Variants in C16orf87 observed in about 807,000 individuals in gnomAD.
The protein encoded by C16orf87 is HDAC and MIER1 interacting protein 1, also known as UPF0547 protein C16orf87.
Under a neutral mutation model 21.0 loss-of-function variants are expected in C16orf87, and 13 were observed. The ratio of observed to expected loss-of-function variants is 0.62; its 90% CI spans 0.40 to 0.98. The LOEUF is 0.98. C16orf87 is among the 50% of genes least tolerant of loss of function. The pLI, the probability that C16orf87 is intolerant of heterozygous loss-of-function variation, is 0.00. For missense variants in C16orf87, 113 were observed against 180.4 expected (o/e 0.63, Z 2.14); for synonymous variants, 49 against 60.2 (o/e 0.81, Z 0.86).
intron 2 of C16orf87, among the ~76,000 whole-genome samples, chr16:46,812,480 T>C (rs969929711): frequency 6.6e-5 from 10 of 152,164 alleles, no homozygotes; most frequent in African/African-American, 2.4e-4. Context: ...TAACTGAAAT[T>C]ATATGGGATT....
chr16:46,805,683 C>T (rs1967910520), intron 3 of C16orf87, among the ~76,000 whole-genome samples: 1 of 152,150 alleles, frequency 6.6e-6, no homozygotes, highest in African/African-American at 2.4e-5. Flanking sequence ...AGGAGAGTGA[C>T]CAAAGAAGCT....
At chr16:46,830,272 G>C (rs146223833) in intron 1 of C16orf87, among the ~76,000 whole-genome samples, 26 of 108,332 alleles carry the variant, frequency 2.4e-4, no homozygotes, top group African/African-American at 8.6e-4. Flanking sequence ...GACAGACAGA[G>C]AGAGAGAGAG....
chr16:46,812,243 C>CAATAAATA (rs575742837), intron 2 of C16orf87, among the ~76,000 whole-genome samples: 39 of 151,582 alleles, frequency 2.6e-4, no homozygotes, highest in African/African-American at 7.5e-4. Flanking sequence ...GACTCTGTCT[C>CAATAAATA]AATAAATAAA....
In C16orf87 at chr16:46,825,832, T is replaced by C. The variant is rs184012630; in HGVS notation, c.67-1350A>G. 3.2e-4 allele frequency among the ~76,000 whole-genome samples: 48 copies of C among 151,172 alleles called. 1 individual carries two copies. The East Asian group carries it at 9.1e-3, about 29-fold the overall frequency. ...GGGTGGCTGAGGCAGGAGAATCGCT[T>C]GAACCTGGAAGGCAGAGGTTGCAGT... On this transcript the variant is annotated intron_variant, in intron 1 of 3. Coordinates refer to ENST00000285697, the MANE Select transcript of C16orf87 (RefSeq NM_001001436.4).
In C16orf87 at chr16:46,798,201, G is replaced by A. The variant is rs1322789857; in HGVS notation, c.*4751C>T. 1 of 152,180 alleles carries A rather than the reference G, an allele frequency of 6.6e-6. No homozygotes were observed. The highest frequency in any genetic ancestry group is 2.4e-5 in the African/African-American group (1 of 41,454). The allele number at this position is 152,180 out of a possible 1,614,324, so 9.4% of individuals were successfully genotyped here. On this transcript the variant is annotated 3_prime_UTR_variant, in exon 4 of 4. Coordinates refer to ENST00000285697, the MANE Select transcript of C16orf87 (RefSeq NM_001001436.4). Reference sequence around the variant, plus strand: ...TAATGAAACTTAAAACAGAAAAACAGCAAAATATCAATAAACCAGAGCAGG... The same window carrying A: ...TAATGAAACTTAAAACAGAAAAACAACAAAATATCAATAAACCAGAGCAGG...
intron 1 of C16orf87, among the ~76,000 whole-genome samples, chr16:46,830,310 C>CACAG (rs1276210951): frequency 1.0e-3 from 26 of 24,838 alleles, no homozygotes; most frequent in African/African-American, 2.7e-3. Context: ...GAGAGAGAGA[C>CACAG]ACACAGAGAC....
chr16:46,817,916 C>CAAAAAAAAAAAAAAAAAAAAAAAAAACA (rs1056745014), intron 2 of C16orf87, among the ~76,000 whole-genome samples: 1 of 68,294 alleles, frequency 1.5e-5, no homozygotes. Context: ...CATCAAAAAG[C>CAAAAAAAAAAAAAAAAAAAAAAAAAACA]AAAAAAAAAA....
intron 1 of C16orf87, 21 bp from the exon 2 acceptor site, chr16:46,824,503 T>C: frequency 1.9e-6 from 2 of 1,035,628 alleles, no homozygotes; most frequent in Non-Finnish European, 2.9e-6. Context: ...AAAAGAAAAA[T>C]ATATATTATT....
At chr16:46,824,593 T>G (rs1262618969) in intron 1 of C16orf87, 111 bp from the exon 2 acceptor site, 1 of 499,228 alleles carries the variant, frequency 2.0e-6, no homozygotes, top group Non-Finnish European at 3.5e-6. Flanking sequence ...GGAGGAATCA[T>G]GTATTTATTT....
At chr16:46,826,081 C>T (rs1473477497) in intron 1 of C16orf87, among the ~76,000 whole-genome samples, 1 of 152,100 alleles carries the variant, frequency 6.6e-6, no homozygotes, top group Non-Finnish European at 1.5e-5. Flanking sequence ...AATCTTATAT[C>T]TTAGTTCCAG....
intron 2 of C16orf87, among the ~76,000 whole-genome samples, chr16:46,820,704 C>T (rs1300022916): frequency 6.6e-6 from 1 of 152,164 alleles, no homozygotes; most frequent in Non-Finnish European, 1.5e-5. Flanking sequence ...GCTCTCTAGG[C>T]TACCTACCTA....
chr16:46,806,277 G>A (rs980399166), intron 3 of C16orf87, among the ~76,000 whole-genome samples: 1 of 38,202 alleles, frequency 2.6e-5, no homozygotes, highest in Non-Finnish European at 5.0e-5. Flanking sequence ...TTTTTTTTTT[G>A]AGACGGAGTC....
At chr16:46,809,838 C>T in intron 2 of C16orf87, 53 bp from the exon 3 acceptor site, 1 of 1,136,698 alleles carries the variant, frequency 8.8e-7, no homozygotes, top group Middle Eastern at 2.0e-4. Context: ...GAACTGTTTG[C>T]CCAAGTTCTC....
chr16:46,809,286 CAA>C (rs568256911), intron 3 of C16orf87, among the ~76,000 whole-genome samples: 14 of 122,824 alleles, frequency 1.1e-4, no homozygotes, highest in Admixed American at 8.2e-5. Context: ...CACGCTGTCT[CAA>C]AAAAAAAAAA....
chr16:46,819,032 G>T lies in C16orf87; in HGVS notation c.163+5354C>A, dbSNP rs1355426311. 2.0e-5 allele frequency among the ~76,000 whole-genome samples: 3 copies of T among 152,178 alleles called. No homozygotes were observed. The East Asian group carries it at 5.8e-4, about 29-fold the overall frequency. The stretch of plus-strand genomic sequence containing the variant: ...TACTTCATCCTCTCCTTTTACATAG[G>T]GTGTGCCCCAAAAAGAGGGTATTTA... On this transcript the variant is annotated intron_variant, in intron 2 of 3. Coordinates refer to ENST00000285697, the MANE Select transcript of C16orf87 (RefSeq NM_001001436.4).
chr16:46,809,629 G>A lies in C16orf87; in HGVS notation c.320C>T (p.Ser107Phe). 1.2e-6 allele frequency: 2 copies of A among 1,607,100 alleles called. No individual in the cohort carries two copies. Among genetic ancestry groups the A allele is most frequent in the African/African-American group, 1.3e-5 (1 of 74,368 alleles). The change falls in exon 3 of 4, where the codon TCT becomes TTT. Residue 107 changes from serine (S) to phenylalanine (F), a missense_variant. Transcript: ENST00000285697. ...RRGRGRPKSA[S>F]AKKHEEEREK... ...TCTTTCTTCCTCATGTTTTTTGGCA[G>A]ATGCACTTTTAGGTCTTCCTCTTCC... is the stretch of plus-strand genomic sequence containing the variant.
At chr16:46,813,602 C>T (rs570889361) in intron 2 of C16orf87, among the ~76,000 whole-genome samples, 96 of 152,166 alleles carry the variant, frequency 6.3e-4, no homozygotes, top group Non-Finnish European at 1.1e-3. Flanking sequence ...TGGCATTTGC[C>T]TCTTTCTCCA....
intron 3 of C16orf87, among the ~76,000 whole-genome samples, chr16:46,807,458 A>C (rs1297114771): frequency 1.3e-5 from 2 of 152,022 alleles, no homozygotes; most frequent in African/African-American, 4.8e-5. Flanking sequence ...AGAAAGAAAG[A>C]GATTGGCAAA....
intron 2 of C16orf87, among the ~76,000 whole-genome samples, chr16:46,815,434 G>A (rs1166081321): frequency 1.3e-5 from 2 of 149,492 alleles, no homozygotes; most frequent in African/African-American, 4.9e-5. Flanking sequence ...GTGTATCAAA[G>A]GACACTATCA....
Sources: gnomAD v4.1 joint callset for allele counts (sites outside exome capture counted in the v4.1 genomes callset) on GRCh38, gnomAD v4.1.1 for gene constraint, MANE v1.5 for transcripts, NCBI Gene and HGNC (gene_info 2026-07-23, HGNC 2026-07-21) for gene names.